The following ME1 variants were observed in gnomAD, a reference collection of about 807,000 sequenced individuals.
The protein encoded by ME1 is NADP-dependent malic enzyme.
ME1 carries 74 observed loss-of-function variants against 66.4 expected under a neutral mutation model. That is an observed-to-expected ratio of 1.11 (90% CI 0.92 to 1.35). The LOEUF (loss-of-function observed/expected upper bound fraction) is 1.35, where lower values mean the gene tolerates loss of function less well. Ranked by LOEUF, ME1 falls within the 40% of genes most tolerant of loss-of-function variation. ME1 has a pLI of 0.00. For missense variants in ME1, 750 were observed against 694.1 expected (o/e 1.08, Z -0.90); for synonymous variants, 251 against 235.6 (o/e 1.07, Z -0.60).
At chr6:83,377,065 T>C (rs1769306115) in intron 3 of ME1, among the ~76,000 whole-genome samples, 1 of 152,170 alleles carries the variant, frequency 6.6e-6, no homozygotes, top group Non-Finnish European at 1.5e-5. Flanking sequence ...TCAAAACTAA[T>C]ATTTTAATTT....
At chr6:83,356,486 T>C (rs551613523) in intron 3 of ME1, among the ~76,000 whole-genome samples, 1 of 152,192 alleles carries the variant, frequency 6.6e-6, no homozygotes, top group East Asian at 1.9e-4. Flanking sequence ...TAGATATGCC[T>C]AGAGTTGCAA....
chr6:83,416,651 G>A (rs1284785056), intron 1 of ME1, among the ~76,000 whole-genome samples: 3 of 152,152 alleles, frequency 2.0e-5, no homozygotes, highest in African/African-American at 4.8e-5. Context: ...CAGTTTGGGA[G>A]GCCAAGGCAG....
chr6:83,223,861 C>T lies in ME1; in HGVS notation c.1348G>A (p.Gly450Ser), dbSNP rs1200098037. The change falls in exon 12 of 14, where the codon GGC becomes AGC. Residue 450 changes from glycine to serine, a missense_variant. Transcript: ENST00000369705. ...AACACATAGGAATTGTTGCCTTGGC[C>T]AGGATATAGGGTCTGTCCATTTGGA... is the stretch of plus-strand genomic sequence containing the variant. ...TLPNGQTLYP[G>S]QGNNSYVFPG... The T allele has an allele frequency of 1.2e-6, 2 of 1,613,980 alleles. No individual in the cohort carries two copies. Among genetic ancestry groups the T allele is most frequent in the Admixed American group, 3.3e-5 (2 of 60,006 alleles).
chr6:83,259,239 A>C (rs1766837104), intron 6 of ME1, among the ~76,000 whole-genome samples: 1 of 152,214 alleles, frequency 6.6e-6, no homozygotes, highest in Admixed American at 6.5e-5. Flanking sequence ...TAATGTATTG[A>C]AGCTTGAGAG....
At chr6:83,264,815 T>C (rs1018912291) in intron 6 of ME1, among the ~76,000 whole-genome samples, 2 of 152,176 alleles carry the variant, frequency 1.3e-5, no homozygotes, top group African/African-American at 4.8e-5. Flanking sequence ...GAGATGAAAT[T>C]TACTTCTGGT....
At chr6:83,407,605 G>A (rs1769970342) in intron 2 of ME1, among the ~76,000 whole-genome samples, 163 bp downstream of exon 2, 1 of 152,164 alleles carries the variant, frequency 6.6e-6, no homozygotes, top group Admixed American at 6.5e-5. Context: ...TGTTCCTAAA[G>A]AGAGTAAATT....
intron 1 of ME1, among the ~76,000 whole-genome samples, chr6:83,414,960 G>A (rs917837393): frequency 3.9e-5 from 6 of 152,028 alleles, no homozygotes; most frequent in African/African-American, 7.2e-5. Context: ...AACTAGCAAT[G>A]GACACAAATG....
At chr6:83,363,567 TCCACCAGGAAAAAAACTACAACCTGCTG>T (rs1251723412) in intron 3 of ME1, among the ~76,000 whole-genome samples, 1 of 152,118 alleles carries the variant, frequency 6.6e-6, no homozygotes. Flanking sequence ...TTTGGGTCAC[TCCACCAGGAAAAAAACTACAACCTGCTG>T]AGGTGTTTGC....
intron 6 of ME1, among the ~76,000 whole-genome samples, chr6:83,273,004 G>A (rs540979998): frequency 1.2e-4 from 18 of 151,676 alleles, no homozygotes; most frequent in East Asian, 5.8e-4. Flanking sequence ...GTGAAACCTC[G>A]TCTCTACTAA....
At position 83,243,560 on chromosome 6, in the gene ME1, TATAATCTATTATAATTACATTATATC is replaced by T. The variant is rs1562457515; in HGVS notation, c.815-3950_815-3925del. ...ATCTATTATAATTATATTATATCGATATAATCTATTATAATTACATTATATCGATATAATCTATTATAATTACATTA... is the reference window on the plus strand; with the variant it reads ...ATCTATTATAATTATATTATATCGATGATATAATCTATTATAATTACATTA... On this transcript the variant is annotated intron_variant, in intron 7 of 13. Transcript: ENST00000369705. 2.8e-3 allele frequency among the ~76,000 whole-genome samples: 208 copies of T among 73,358 alleles called. 4 individuals are homozygous for T. Among genetic ancestry groups the T allele is most frequent in the African/African-American group, 5.2e-3 (78 of 15,068 alleles). The allele number at this position is 73,358 out of a possible 152,430, so 48.1% of individuals were successfully genotyped here.
At chr6:83,272,495 T>C (rs1358904985) in intron 6 of ME1, among the ~76,000 whole-genome samples, 3 of 152,096 alleles carry the variant, frequency 2.0e-5, no homozygotes, top group South Asian at 4.1e-4. Flanking sequence ...AAAAACCATA[T>C]GAAAGAGAAG....
At chr6:83,370,668 A>G (rs1361621811) in intron 3 of ME1, among the ~76,000 whole-genome samples, 1 of 152,158 alleles carries the variant, frequency 6.6e-6, no homozygotes. Flanking sequence ...AACATTACAA[A>G]TAACAGCAAT....
intron 6 of ME1, among the ~76,000 whole-genome samples, chr6:83,255,098 T>G (rs1766740541): frequency 6.6e-6 from 1 of 152,104 alleles, no homozygotes; most frequent in Non-Finnish European, 1.5e-5. Context: ...CATATTTATC[T>G]TGGGTAGACT....
intron 6 of ME1, among the ~76,000 whole-genome samples, chr6:83,310,867 A>G (rs1767917744): frequency 6.6e-6 from 1 of 152,132 alleles, no homozygotes; most frequent in Admixed American, 6.6e-5. Context: ...TTATGTCCAG[A>G]AACAGGGCTC....
At chr6:83,263,286 T>C (rs1456704511) in intron 6 of ME1, among the ~76,000 whole-genome samples, 1 of 152,118 alleles carries the variant, frequency 6.6e-6, no homozygotes, top group Non-Finnish European at 1.5e-5. Flanking sequence ...ACTATTGAAA[T>C]TAGGCCAATT....
intron 5 of ME1, among the ~76,000 whole-genome samples, chr6:83,343,838 C>T (rs1267977960): frequency 2.6e-5 from 4 of 152,154 alleles, no homozygotes; most frequent in Non-Finnish European, 5.9e-5. Context: ...TTAAGACCTA[C>T]TTTCATGAAA....
At chr6:83,373,242 GT>G (rs36120982) in intron 3 of ME1, among the ~76,000 whole-genome samples, 13 of 151,008 alleles carry the variant, frequency 8.6e-5, no homozygotes, top group Admixed American at 7.9e-4. Flanking sequence ...ACATGTATTT[GT>G]TTTTTTTTCT....
At chr6:83,220,670 T>C (rs1016800425) in intron 12 of ME1, among the ~76,000 whole-genome samples, 3 of 152,226 alleles carry the variant, frequency 2.0e-5, no homozygotes, top group African/African-American at 7.2e-5. Context: ...AGACAAGAAG[T>C]ACTTTTCTTC....
intron 3 of ME1, among the ~76,000 whole-genome samples, chr6:83,363,818 C>T (rs933220213): frequency 9.9e-5 from 15 of 152,122 alleles, no homozygotes; most frequent in Non-Finnish European, 1.8e-4. Context: ...AGATTAACTG[C>T]GCATCAGCAT....
Sources: gnomAD v4.1 joint callset for allele counts (sites outside exome capture counted in the v4.1 genomes callset) on GRCh38, gnomAD v4.1.1 for gene constraint, MANE v1.5 for transcripts, NCBI Gene and HGNC (gene_info 2026-07-23, HGNC 2026-07-21) for gene names.